The following KIFC3 variants were observed in gnomAD, a reference collection of about 807,000 sequenced individuals.
The protein encoded by KIFC3 is kinesin-like protein KIFC3.
A neutral mutation model predicts 101.8 loss-of-function variants in KIFC3; 60 were observed. That is an observed-to-expected ratio of 0.59 (90% CI 0.48 to 0.73). The LOEUF (loss-of-function observed/expected upper bound fraction) is 0.73. Among genes scored for constraint, KIFC3 ranks in the 30% least tolerant of loss-of-function variants. The pLI is 0.00. For synonymous variants in KIFC3, 476 were observed against 482.7 expected (o/e 0.99, Z 0.18); for missense variants, 966 against 1,137.1 (o/e 0.85, Z 2.16).
chr16:57,798,377 A>C, intron 1 of KIFC3, 95 bp from the exon 2 acceptor site: 2 of 1,142,424 alleles, frequency 1.8e-6, no homozygotes, highest in Non-Finnish European at 2.5e-6. Context: ...TCTACGCCCC[A>C]CCGGTCGCTG....
intron 1 of KIFC3, among the ~76,000 whole-genome samples, chr16:57,822,483 C>A (rs782379641): frequency 1.4e-4 from 22 of 152,134 alleles, no homozygotes; most frequent in Non-Finnish European, 2.8e-4. Context: ...AGGCGGCTCA[C>A]TTGAGGAGTT....
chr16:57,777,046 T>C (rs2052185359), intron 3 of KIFC3: 2 of 152,204 alleles, frequency 1.3e-5, no homozygotes, highest in African/African-American at 4.8e-5. Flanking sequence ...GTTACATTTC[T>C]ACAACTAACA....
At chr16:57,782,133 G>A in intron 3 of KIFC3, 3 of 985,454 alleles carry the variant, frequency 3.0e-6, no homozygotes. Flanking sequence ...GGGCACACGG[G>A]AGTGACAGCT....
Position 57,760,310 on chromosome 16 carries a change from C to T in KIFC3, c.2339G>A (p.Gly780Glu). 1 of 1,613,764 alleles carries T rather than the reference C, an allele frequency of 6.2e-7. No individual in the cohort carries two copies. Among genetic ancestry groups the T allele is most frequent in the Non-Finnish European group, 8.5e-7 (1 of 1,179,882 alleles). ...LGPGLRRAEL[G>E]SWSSQEHLEW... ...TAGATGCTCCTGGCTTGACCAGGACCCAAGCTCTGCCCTGCGTAGCCCAGG... is the reference window on the plus strand; with the variant it reads ...TAGATGCTCCTGGCTTGACCAGGACTCAAGCTCTGCCCTGCGTAGCCCAGG... The change falls in exon 17 of 20, where the codon GGG becomes GAG. Residue 780 changes from glycine to glutamate, a missense_variant. Transcript: ENST00000445690.
At chr16:57,835,069 C>T (rs373881649) in intron 1 of KIFC3, among the ~76,000 whole-genome samples, 7 of 152,194 alleles carry the variant, frequency 4.6e-5, no homozygotes, top group Non-Finnish European at 8.8e-5. Flanking sequence ...TGGCTCCCTG[C>T]AGGCCCCTCC....
At chr16:57,763,626 G>C (rs529651762) in intron 12 of KIFC3, among the ~76,000 whole-genome samples, 30 of 152,218 alleles carry the variant, frequency 2.0e-4, no homozygotes, top group African/African-American at 6.3e-4. Context: ...CACCTGGGAG[G>C]GTGCCGGTGA....
chr16:57,823,565 G>A (rs1188128065), intron 1 of KIFC3, among the ~76,000 whole-genome samples: 1 of 152,184 alleles, frequency 6.6e-6, no homozygotes, highest in Non-Finnish European at 1.5e-5. Flanking sequence ...AAGTATTCAA[G>A]GGTTAAGAGG....
chr16:57,759,158 A>G lies in KIFC3; in HGVS notation c.2477-5T>C, dbSNP rs1015749885. The G allele has an allele frequency of 6.4e-7, 1 of 1,550,908 alleles. No individual in the cohort carries two copies. Among genetic ancestry groups the G allele is most frequent in the Non-Finnish European group, 8.7e-7 (1 of 1,146,956 alleles). ...TCTGCAGCCCCAGCCGTCAGGCTGA[A>G]ATCAAAGTGACAGGCGTCTCACTGG... On this transcript the variant is annotated splice_region_variant and splice_polypyrimidine_tract_variant and intron_variant, in intron 18 of 19. Transcript: ENST00000445690.
rs145665211 is a variant in KIFC3, at chr16:57,838,899, G to A, written c.108+23830C>T. On this transcript the variant is annotated intron_variant, in intron 1 of 2. Transcript: ENST00000563028. ...CATGTGTAGCTGCGTTACGCTTTCG[G>A]TGGAAAGATGACATGGATGAAATGG... Among the ~76,000 whole-genome samples, 437 of 152,258 alleles carry A rather than the reference G, an allele frequency of 2.9e-3. 6 individuals are homozygous for A. Among genetic ancestry groups the A allele is most frequent in the African/African-American group, 0.01 (418 of 41,542 alleles).
chr16:57,789,322 C>T (rs1555619236), intron 3 of KIFC3, among the ~76,000 whole-genome samples: 2 of 152,184 alleles, frequency 1.3e-5, no homozygotes, highest in Admixed American at 6.5e-5. Flanking sequence ...GCAAAGGACT[C>T]GAGACAAAGA....
chr16:57,771,628 C>G lies in KIFC3; in HGVS notation c.440G>C (p.Arg147Thr). 6.2e-7 allele frequency: 1 copy of G among 1,613,322 alleles called. No individual in the cohort carries two copies. Among genetic ancestry groups the G allele is most frequent in the Non-Finnish European group, 8.5e-7 (1 of 1,179,946 alleles). Reference sequence around the variant, plus strand: ...GGCCTCACAGCGCCGCATCTCCTGCCTCAGTCGCTCATTCTCCACCATCAG... The same window carrying G: ...GGCCTCACAGCGCCGCATCTCCTGCGTCAGTCGCTCATTCTCCACCATCAG... ...DLLMVENERL[R>T]QEMRRCEAEL... is the part of the protein sequence containing the mutation. The change falls in exon 5 of 20, where the codon AGG becomes ACG. Residue 147 changes from arginine to threonine, a missense_variant. This residue lies in a region of KIFC3 where 277 missense variants were observed against 252.5 expected (regional missense o/e 1.10). Transcript: ENST00000445690.
intron 1 of KIFC3, among the ~76,000 whole-genome samples, chr16:57,825,500 C>T (rs34235275): frequency 0.13 from 19,833 of 152,204 alleles, 1,375 homozygotes; most frequent in South Asian, 0.18. Flanking sequence ...CACTGTGGGG[C>T]CAGCTGTGAG....
At position 57,848,477 on chromosome 16, in the gene KIFC3, A is replaced by C. The variant is rs561908552; in HGVS notation, c.108+14252T>G. ...TCCCATCTCTACAAAAAATTCTAAA[A>C]ATTAGCTGGGCGTTGTGGTGCATGC... On this transcript the variant is annotated intron_variant, in intron 1 of 2. Transcript: ENST00000563028. Among the ~76,000 whole-genome samples, 383 of 152,200 alleles carry C rather than the reference A, an allele frequency of 2.5e-3. 1 individual carries two copies. The highest frequency in any genetic ancestry group is 4.1e-3 in the Non-Finnish European group (282 of 68,016).
intron 1 of KIFC3, chr16:57,813,566 C>A: frequency 4.0e-6 from 2 of 495,462 alleles, no homozygotes; most frequent in Non-Finnish European, 2.6e-6. Context: ...CAAATGGAGA[C>A]TCTAACCACC....
At chr16:57,802,809 A>T (rs1555626043), upstream of KIFC3, 1 of 795,300 alleles carries the variant, frequency 1.3e-6, no homozygotes, top group Non-Finnish European at 2.1e-6. This position sits in a 1 kb window ranked among gnomAD's most constrained non-coding sequence, Gnocchi z 5.0. Context: ...CAGCCCACAC[A>T]GCCCCACACC....
At chr16:57,809,010 T>C (rs544617170) in intron 1 of KIFC3, among the ~76,000 whole-genome samples, 2 of 152,328 alleles carry the variant, frequency 1.3e-5, no homozygotes, top group Admixed American at 1.3e-4. Flanking sequence ...ATCATGTAAG[T>C]GCTGGGTGTG....
upstream of KIFC3, chr16:57,802,849 T>C: frequency 9.6e-7 from 1 of 1,038,188 alleles, no homozygotes; most frequent in Non-Finnish European, 1.4e-6. This position sits in a 1 kb window ranked among gnomAD's most constrained non-coding sequence, Gnocchi z 5.0. Context: ...TTGCACAGCC[T>C]CAAACCCGAG....
At chr16:57,807,743 C>G (rs2054968312), upstream of KIFC3, 1 of 151,826 alleles carries the variant, frequency 6.6e-6, no homozygotes, top group Non-Finnish European at 1.5e-5. Flanking sequence ...TCTAGACCAG[C>G]CTGAACAACA....
At chr16:57,828,021 G>A (rs1326258905) in intron 1 of KIFC3, among the ~76,000 whole-genome samples, 2 of 152,228 alleles carry the variant, frequency 1.3e-5, no homozygotes, top group Non-Finnish European at 2.9e-5. Flanking sequence ...AAGGTGAAGT[G>A]CTTCCCCAAA....
Sources: allele counts gnomAD v4.1 joint callset (sites outside exome capture counted in the v4.1 genomes callset), GRCh38; gene constraint gnomAD v4.1.1; regional missense constraint gnomAD v4.1.1; non-coding constraint Gnocchi (gnomAD v3.1); transcripts MANE v1.5; gene names NCBI Gene and HGNC (gene_info 2026-07-23, HGNC 2026-07-21).